DCAF4: variants seen among roughly 807,000 people sequenced by gnomAD.
DCAF4 encodes DDB1- and CUL4-associated factor 4.
Under a neutral mutation model 60.9 loss-of-function variants are expected in DCAF4, and 37 were observed. The observed-to-expected ratio is 0.61, with a 90% CI of 0.47 to 0.80. DCAF4 has a LOEUF of 0.80. Among genes scored for constraint, DCAF4 ranks in the 30% least tolerant of loss-of-function variants. The probability of loss-of-function intolerance (pLI) is 0.00; values close to 1 mark genes in which losing one functional copy is unlikely to be tolerated. For missense variants in DCAF4, 577 were observed against 650.0 expected (o/e 0.89, Z 1.22); for synonymous variants, 243 against 254.8 (o/e 0.95, Z 0.44).
rs746172868 is a variant in DCAF4, at chr14:72,955,558, A to AGATCTTTGCAGATCTTTGCAG, written c.1041_1042insGATCTTTGCAGATCTTTGCAG (p.Glu347_Ile348insAspLeuCysArgSerLeuGln). 1.1e-5 allele frequency: 17 copies of AGATCTTTGCAGATCTTTGCAG among 1,614,018 alleles called. No homozygotes were observed. Among genetic ancestry groups the AGATCTTTGCAGATCTTTGCAG allele is most frequent in the Non-Finnish European group, 1.4e-5 (17 of 1,180,032 alleles). ...TGTTTAATGGCTGCCGCTCTGGGGAAATCTTTGCCATTGATCTGCGTTGTG... is the reference window on the plus strand; with the variant it reads ...TGTTTAATGGCTGCCGCTCTGGGGAAGATCTTTGCAGATCTTTGCAGATCTTTGCCATTGATCTGCGTTGTG... On this transcript the variant is annotated inframe_insertion, in exon 12 of 14. Transcript: ENST00000358377.
At chr14:72,952,200 G>A (rs979718189) in intron 9 of DCAF4, among the ~76,000 whole-genome samples, 2 of 152,156 alleles carry the variant, frequency 1.3e-5, no homozygotes, top group Admixed American at 6.5e-5. Context: ...GTGCTATCAG[G>A]GATACTTAAC....
Position 72,956,440 on chromosome 14 carries a change from G to A in DCAF4, c.1234G>A (p.Val412Met), listed in dbSNP as rs1247322588. The change falls in exon 13 of 14, where the codon GTG (valine) becomes ATG (methionine). Residue 412 changes from valine (V) to methionine (M), a missense_variant. By Grantham distance (21) the Val-to-Met change is conservative. Transcript: ENST00000358377. ...GTGCGTAAGGCAGTACGAAGGCCAC[G>A]TGAATGAGTACGCCTACCTGCCCCT... is the stretch of plus-strand genomic sequence containing the variant. The part of the protein sequence containing the change: ...TKCVRQYEGH[V>M]NEYAYLPLHV... 6.8e-6 allele frequency: 11 copies of A among 1,613,714 alleles called. No individual in the cohort carries two copies. The highest frequency in any genetic ancestry group is 9.3e-6 in the Non-Finnish European group (11 of 1,179,854).
At chr14:72,931,002 A>G (rs926115050) in intron 1 of DCAF4, among the ~76,000 whole-genome samples, 2 of 152,176 alleles carry the variant, frequency 1.3e-5, no homozygotes, top group African/African-American at 4.8e-5. Flanking sequence ...CAGTGTCTTG[A>G]TTACTGTAGC....
intron 1 of DCAF4, chr14:72,927,040 G>A (rs1048157517): frequency 6.6e-6 from 1 of 152,474 alleles, no homozygotes; most frequent in Non-Finnish European, 1.5e-5. Context: ...GTCAGACGCA[G>A]AAAGGGGTGC....
At chr14:72,956,598 A>C (rs1892335427) in intron 13 of DCAF4, 98 bp downstream of exon 13, 2 of 1,154,016 alleles carry the variant, frequency 1.7e-6, no homozygotes, top group Non-Finnish European at 2.5e-6. Context: ...TTACCCCAAA[A>C]CAGAACTGAA....
At chr14:72,956,324 C>A in intron 12 of DCAF4, 62 bp from the exon 13 acceptor site, 1 of 1,368,668 alleles carries the variant, frequency 7.3e-7, no homozygotes, top group Non-Finnish European at 9.9e-7. Context: ...TGGCTTTGCA[C>A]TTGGGGACCA....
In DCAF4 at chr14:72,927,319, G is replaced by T. The variant is rs573764913; in HGVS notation, c.-9+776G>T. Reference sequence around the variant, plus strand: ...CCAAACTCTGATTTTAAATAACGATGGAAATTAGAGTCGCGGTGGTGTTCT... The same window carrying T: ...CCAAACTCTGATTTTAAATAACGATTGAAATTAGAGTCGCGGTGGTGTTCT... On this transcript the variant is annotated intron_variant, in intron 1 of 13. Coordinates refer to ENST00000358377, the MANE Select transcript of DCAF4 (RefSeq NM_015604.4). 5.4e-5 allele frequency among the ~76,000 whole-genome samples: 8 copies of T among 148,488 alleles called. No individual in the cohort carries two copies. The South Asian group carries it at 1.5e-3, about 28-fold the overall frequency.
intron 6 of DCAF4, 38 bp from the exon 7 acceptor site, chr14:72,945,846 G>A: frequency 6.2e-7 from 1 of 1,613,276 alleles, no homozygotes; most frequent in African/African-American, 1.3e-5. Flanking sequence ...ACCAGGCGCA[G>A]CCTGGGACGT....
rs1268456525 is a variant in DCAF4, at chr14:72,956,388, C to G, written c.1182C>G (p.Ile394Met). 4.4e-6 allele frequency: 7 copies of G among 1,602,818 alleles called. No homozygotes were observed. Among genetic ancestry groups the G allele is most frequent in the East Asian group, 2.2e-5 (1 of 44,732 alleles). Reference sequence around the variant, plus strand: ...GGCCCCTGGTGCTTTTTCCACAGATCAAGCTGTGGGACCTGAGGACCACGA... The same window carrying G: ...GGCCCCTGGTGCTTTTTCCACAGATGAAGCTGTGGGACCTGAGGACCACGA... ...YLMASDMAGK[I>M]KLWDLRTTKC... The change falls in exon 13 of 14, where the codon ATC becomes ATG. Residue 394 changes from isoleucine (I) to methionine (M), a missense_variant and splice_region_variant. Physicochemically the swap from Ile to Met is conservative, Grantham distance 10. Coordinates refer to ENST00000358377, the MANE Select transcript of DCAF4 (RefSeq NM_015604.4).
At chr14:72,949,290 AT>A (rs1351770556) in intron 8 of DCAF4, among the ~76,000 whole-genome samples, 1 of 152,184 alleles carries the variant, frequency 6.6e-6, no homozygotes, top group Non-Finnish European at 1.5e-5. Flanking sequence ...TACAAAAAAA[AT>A]AATAATAAAA....
intron 1 of DCAF4, among the ~76,000 whole-genome samples, chr14:72,934,447 C>G (rs572676673): frequency 6.6e-6 from 1 of 152,000 alleles, no homozygotes; most frequent in Admixed American, 6.6e-5. Context: ...AGCCACTGCA[C>G]CCGGCCTAAT....
chr14:72,942,936 G>A, intron 5 of DCAF4, 58 bp from the exon 6 acceptor site: 2 of 1,555,418 alleles, frequency 1.3e-6, no homozygotes, highest in Admixed American at 3.4e-5. Flanking sequence ...AGAGACCCCC[G>A]AATCTTCTTC....
intron 5 of DCAF4, 177 bp downstream of exon 5, chr14:72,942,001 G>T: frequency 1.6e-6 from 1 of 621,108 alleles, no homozygotes; most frequent in East Asian, 2.8e-5. Flanking sequence ...CCCTGAGAAA[G>T]CTGTTCTCTC....
intron 9 of DCAF4, among the ~76,000 whole-genome samples, chr14:72,953,768 A>ATAT (rs1567325444): frequency 5.0e-5 from 1 of 20,044 alleles, no homozygotes; most frequent in African/African-American, 1.4e-4. Context: ...TATATAGTTT[A>ATAT]TTTATTTATT....
downstream of DCAF4, chr14:72,960,669 A>T: frequency 8.4e-6 from 9 of 1,065,416 alleles, no homozygotes; most frequent in Non-Finnish European, 6.9e-6. Flanking sequence ...AAGGACAGAG[A>T]TACCTCAACA....
At chr14:72,941,497 G>C (rs1890039687) in intron 4 of DCAF4, among the ~76,000 whole-genome samples, 1 of 152,174 alleles carries the variant, frequency 6.6e-6, no homozygotes, top group African/African-American at 2.4e-5. Context: ...CCCCCCGGGT[G>C]TATGTGGATG....
chr14:72,956,115 G>T (rs993930388), intron 12 of DCAF4, among the ~76,000 whole-genome samples: 8 of 151,854 alleles, frequency 5.3e-5, no homozygotes, highest in Non-Finnish European at 1.2e-4. Flanking sequence ...TAGAGATGGG[G>T]TTTCACCATG....
chr14:72,953,719 AAAAAAAAAAAAAAAT>A (rs1373911413), intron 9 of DCAF4, among the ~76,000 whole-genome samples: 1 of 50,722 alleles, frequency 2.0e-5, no homozygotes, highest in African/African-American at 9.2e-5. Flanking sequence ...TAAAAAAAAA[AAAAAAAAAAAAAAAT>A]ATATATATAT....
chr14:72,956,344 C>T, intron 12 of DCAF4, 42 bp from the exon 13 acceptor site: 1 of 1,512,074 alleles, frequency 6.6e-7, no homozygotes, highest in Non-Finnish European at 8.9e-7. Context: ...ACCATGGTAC[C>T]CCCTGGCCCC....
Sources: allele counts gnomAD v4.1 joint callset (sites outside exome capture counted in the v4.1 genomes callset), GRCh38; gene constraint gnomAD v4.1.1; transcripts MANE v1.5; gene names NCBI Gene and HGNC (gene_info 2026-07-23, HGNC 2026-07-21).